ZRANB3: variants seen among roughly 807,000 people sequenced by gnomAD.
The protein encoded by ZRANB3 is zinc finger RANBP2-type containing 3, also known as DNA annealing helicase and endonuclease ZRANB3.
Under a neutral mutation model 133.8 loss-of-function variants are expected in ZRANB3, and 125 were observed. That is an observed-to-expected ratio of 0.93 (90% CI 0.81 to 1.08). The LOEUF is 1.08. Ranked by LOEUF, ZRANB3 falls within the 50% of genes least tolerant of loss-of-function variation. The probability of loss-of-function intolerance (pLI) is 0.00; values close to 1 mark genes in which losing one functional copy is unlikely to be tolerated. For synonymous variants in ZRANB3, 387 were observed against 432.7 expected (o/e 0.89, Z 1.31); for missense variants, 1,229 against 1,275.5 (o/e 0.96, Z 0.56).
chr2:135,496,775 C>T (rs552732387), intron 2 of ZRANB3, among the ~76,000 whole-genome samples: 115 of 152,282 alleles, frequency 7.6e-4, no homozygotes, highest in Non-Finnish European at 7.5e-4. Flanking sequence ...AATCCCTAAA[C>T]TATACACAGA....
Position 135,200,184 on chromosome 2 carries a change from G to A in ZRANB3, c.*158C>T, listed in dbSNP as rs771401115. 1 of 680,124 alleles carries A rather than the reference G, an allele frequency of 1.5e-6. No homozygotes were observed. The highest frequency in any genetic ancestry group is 1.8e-5 in the African/African-American group (1 of 55,552). The allele number at this position is 680,124 out of a possible 1,614,324, so 42.1% of individuals were successfully genotyped here. ...AGTTTCTGTTAAGTACTTTCAAAAT[G>A]TATTTAATACTAAAAGTAATTAGTA... On this transcript the variant is annotated 3_prime_UTR_variant, in exon 21 of 21. Transcript: ENST00000264159.
At chr2:135,282,790 G>T (rs1427070508) in intron 8 of ZRANB3, among the ~76,000 whole-genome samples, 1 of 151,982 alleles carries the variant, frequency 6.6e-6, no homozygotes, top group African/African-American at 2.4e-5. Context: ...TTTCCATAAG[G>T]TTTTCAGAAC....
chr2:135,228,313 T>TG (rs1491091254), intron 13 of ZRANB3: 1 of 131,272 alleles, frequency 7.6e-6, no homozygotes, highest in Admixed American at 7.9e-5. Flanking sequence ...CTAAGTTTTG[T>TG]TTTTTTTTTT....
At chr2:135,397,601 T>C (rs1025157661) in intron 2 of ZRANB3, among the ~76,000 whole-genome samples, 4 of 152,240 alleles carry the variant, frequency 2.6e-5, no homozygotes, top group African/African-American at 9.6e-5. Context: ...TAAAACTTTT[T>C]AACCAGAAAT....
At chr2:135,350,365 T>C in intron 4 of ZRANB3, 150 bp from the exon 5 acceptor site, 1 of 598,072 alleles carries the variant, frequency 1.7e-6, no homozygotes, top group Non-Finnish European at 2.7e-6. Context: ...ACTCTGAAGA[T>C]TTCACAATCC....
At chr2:135,510,771 C>G in intron 1 of ZRANB3, 1 of 808,800 alleles carries the variant, frequency 1.2e-6, no homozygotes, top group Non-Finnish European at 2.3e-6. Flanking sequence ...GAAGGACCTT[C>G]TGAACAGGCT....
intron 12 of ZRANB3, among the ~76,000 whole-genome samples, chr2:135,262,304 T>C (rs1387448714): frequency 3.3e-5 from 5 of 152,044 alleles, no homozygotes; most frequent in African/African-American, 1.2e-4. Context: ...AATAAGATAA[T>C]TAAAAATTTA....
At chr2:135,312,156 A>ATTTTT (rs60082476) in intron 8 of ZRANB3, among the ~76,000 whole-genome samples, 2 of 117,246 alleles carry the variant, frequency 1.7e-5, no homozygotes, top group Admixed American at 1.6e-4. Context: ...ATTTTATTTT[A>ATTTTT]TTTTTATTTT....
In ZRANB3 at chr2:135,329,844, G is replaced by T. The variant is rs568650557; in HGVS notation, c.678-14314C>A. On this transcript the variant is annotated intron_variant, in intron 6 of 20. Coordinates refer to ENST00000264159, the MANE Select transcript of ZRANB3 (RefSeq NM_032143.4). Reference sequence around the variant, plus strand: ...GTGAATGGGAGTTCACTCATGATTTGGCTCTCTGTTTGTCTGTTTTTGGTG... The same window carrying T: ...GTGAATGGGAGTTCACTCATGATTTTGCTCTCTGTTTGTCTGTTTTTGGTG... 5.3e-5 allele frequency among the ~76,000 whole-genome samples: 8 copies of T among 152,176 alleles called. 1 individual carries two copies. The highest frequency in any genetic ancestry group is 4.1e-4 in the South Asian group (2 of 4,824).
chr2:135,375,571 G>C (rs1686386234), intron 3 of ZRANB3, among the ~76,000 whole-genome samples: 3 of 152,182 alleles, frequency 2.0e-5, no homozygotes, highest in African/African-American at 7.2e-5. Flanking sequence ...AGTAGTCCCA[G>C]CTACTTGGGA....
chr2:135,366,121 T>C (rs1470302445), intron 3 of ZRANB3, among the ~76,000 whole-genome samples: 9 of 152,332 alleles, frequency 5.9e-5, no homozygotes, highest in Non-Finnish European at 8.8e-5. Flanking sequence ...AATTCATGTG[T>C]TGACACATAG....
At chr2:135,508,156 G>C (rs1188929482) in intron 1 of ZRANB3, among the ~76,000 whole-genome samples, 1 of 151,208 alleles carries the variant, frequency 6.6e-6, no homozygotes, top group Non-Finnish European at 1.5e-5. Flanking sequence ...TTTTTCTTTT[G>C]AGATGGAGTC....
At chr2:135,254,763 T>C (rs1679570665) in intron 12 of ZRANB3, among the ~76,000 whole-genome samples, 1 of 152,140 alleles carries the variant, frequency 6.6e-6, no homozygotes, top group Admixed American at 6.5e-5. Context: ...TCTTTTTTTT[T>C]TCTTTGAGAC....
At chr2:135,429,743 G>A (rs1335336780) in intron 2 of ZRANB3, among the ~76,000 whole-genome samples, 2 of 152,134 alleles carry the variant, frequency 1.3e-5, no homozygotes, top group East Asian at 3.8e-4. Flanking sequence ...GGAAACGGTA[G>A]AGAGAAAGAT....
Position 135,431,764 on chromosome 2 carries a change from T to C in ZRANB3, c.162-40944A>G, listed in dbSNP as rs537524973. 1.8e-4 allele frequency among the ~76,000 whole-genome samples: 28 copies of C among 152,312 alleles called. 1 individual carries two copies. The highest frequency in any genetic ancestry group is 1.7e-3 in the Admixed American group (26 of 15,298). On this transcript the variant is annotated intron_variant, in intron 2 of 20. Coordinates refer to ENST00000264159, the MANE Select transcript of ZRANB3 (RefSeq NM_032143.4). Reference sequence around the variant, plus strand: ...TTAAAACCATAGTGAAATACCATTATATACCTACTAGAATGTCTAAAATTA... The same window carrying C: ...TTAAAACCATAGTGAAATACCATTACATACCTACTAGAATGTCTAAAATTA...
chr2:135,339,479 G>A (rs565733322), intron 6 of ZRANB3, among the ~76,000 whole-genome samples: 1 of 152,070 alleles, frequency 6.6e-6, no homozygotes, highest in Non-Finnish European at 1.5e-5. Flanking sequence ...CTACTAGGGA[G>A]ACTGAGGTGG....
chr2:135,391,139 G>A (rs911515000), intron 2 of ZRANB3, among the ~76,000 whole-genome samples: 5 of 152,144 alleles, frequency 3.3e-5, no homozygotes, highest in Non-Finnish European at 7.4e-5. Context: ...GATTACAGGC[G>A]TGAGCAACTG....
chr2:135,309,022 C>A (rs961226226), intron 8 of ZRANB3, among the ~76,000 whole-genome samples: 6 of 150,098 alleles, frequency 4.0e-5, no homozygotes, highest in African/African-American at 1.5e-4. Flanking sequence ...GCTCTGTTGC[C>A]CAGGCTGGAG....
chr2:135,390,306 A>G (rs1427480917), intron 3 of ZRANB3, among the ~76,000 whole-genome samples: 1 of 152,216 alleles, frequency 6.6e-6, no homozygotes, highest in Non-Finnish European at 1.5e-5. Context: ...TAGTTCATGT[A>G]ACAAGAGCCT....
Sources: gnomAD v4.1 joint callset for allele counts (sites outside exome capture counted in the v4.1 genomes callset) on GRCh38, gnomAD v4.1.1 for gene constraint, MANE v1.5 for transcripts, NCBI Gene and HGNC (gene_info 2026-07-23, HGNC 2026-07-21) for gene names.